LMBRD2: variants seen among roughly 807,000 people sequenced by gnomAD.
LMBRD2 encodes the protein G protein-coupled receptor-associated protein LMBRD2.
In LMBRD2, 55 loss-of-function variants were observed where a neutral mutation model predicts 94.4. The ratio of observed to expected loss-of-function variants is 0.58; its 90% CI spans 0.47 to 0.73. LMBRD2 has a LOEUF of 0.73. LMBRD2 is among the 30% of genes least tolerant of loss of function. LMBRD2 has a pLI of 0.00. For synonymous variants in LMBRD2, 246 were observed against 272.4 expected (o/e 0.90, Z 0.95); for missense variants, 640 against 831.9 (o/e 0.77, Z 2.84).
intron 4 of LMBRD2, among the ~76,000 whole-genome samples, chr5:36,140,451 C>T (rs1392374445): frequency 6.6e-6 from 1 of 152,156 alleles, no homozygotes; most frequent in Non-Finnish European, 1.5e-5. Flanking sequence ...GTGCTACTGG[C>T]CATAGAGGTT....
intron 16 of LMBRD2, 110 bp downstream of exon 16, chr5:36,108,424 T>C (rs1743523829): frequency 3.9e-6 from 2 of 518,744 alleles, no homozygotes; most frequent in South Asian, 7.2e-5. Flanking sequence ...AAATATACCA[T>C]TTATAATTCT....
In LMBRD2 at chr5:36,100,296, G is replaced by C. The variant is rs1446414208; in HGVS notation, c.*3750C>G. The C allele has an allele frequency of 6.6e-6, 1 of 151,966 alleles. No homozygotes were observed. Among genetic ancestry groups the C allele is most frequent in the Non-Finnish European group, 1.5e-5 (1 of 67,982 alleles). The allele number at this position is 151,966 out of a possible 1,614,324, so 9.4% of individuals were successfully genotyped here. On this transcript the variant is annotated 3_prime_UTR_variant, in exon 18 of 18. Transcript: ENST00000296603. ...TATTTACTGATGTGTCCTCTTTAGT[G>C]ACCTAAAAGATACACTGAGCCAGCA...
intron 14 of LMBRD2, among the ~76,000 whole-genome samples, chr5:36,110,632 C>T (rs552143786): frequency 6.6e-6 from 1 of 152,026 alleles, no homozygotes; most frequent in East Asian, 1.9e-4. Context: ...AACCAATGTC[C>T]CAAAAGTCAA....
At chr5:36,114,050 A>G (rs1274627136) in intron 13 of LMBRD2, among the ~76,000 whole-genome samples, 3 of 152,174 alleles carry the variant, frequency 2.0e-5, no homozygotes, top group African/African-American at 7.2e-5. Context: ...GGAAAGCTCT[A>G]AGGCTAATTT....
intron 6 of LMBRD2, among the ~76,000 whole-genome samples, chr5:36,134,733 T>C (rs529249773): frequency 3.9e-5 from 6 of 152,242 alleles, no homozygotes; most frequent in Non-Finnish European, 7.4e-5. Flanking sequence ...TCTTGAACGT[T>C]AGTCCCCAGA....
At chr5:36,128,756 C>T (rs987966296) in intron 6 of LMBRD2, among the ~76,000 whole-genome samples, 5 of 152,078 alleles carry the variant, frequency 3.3e-5, no homozygotes, top group Non-Finnish European at 7.4e-5. Context: ...TAACAAGGCA[C>T]CAGGGACCAA....
At chr5:36,118,167 T>C (rs1418796406) in intron 9 of LMBRD2, among the ~76,000 whole-genome samples, 1 of 152,148 alleles carries the variant, frequency 6.6e-6, no homozygotes, top group African/African-American at 2.4e-5. Context: ...CTGTGAAAAA[T>C]GCAGAACTTG....
intron 8 of LMBRD2, 143 bp downstream of exon 8, chr5:36,122,705 T>C (rs778445367): frequency 1.4e-5 from 16 of 1,143,536 alleles, no homozygotes; most frequent in Non-Finnish European, 1.8e-5. Flanking sequence ...TACACAGAGA[T>C]AAAATATTTC....
rs115583739 is a variant in LMBRD2 at position 36,113,972 on chromosome 5, A to G, written c.1640+452T>C. Reference sequence around the variant, plus strand: ...AATCTTAATGTACAGCTTGATTACAATCGGTCCTCACCTGACCCTTTGTGC... The same window carrying G: ...AATCTTAATGTACAGCTTGATTACAGTCGGTCCTCACCTGACCCTTTGTGC... On this transcript the variant is annotated intron_variant, in intron 13 of 17. Coordinates refer to ENST00000296603, the MANE Select transcript of LMBRD2 (RefSeq NM_001007527.2). 7.4e-3 allele frequency among the ~76,000 whole-genome samples: 1,133 copies of G among 152,264 alleles called. 8 individuals are homozygous for G. Among genetic ancestry groups the G allele is most frequent in the Non-Finnish European group, 0.011 (777 of 68,022 alleles).
At chr5:36,142,793 C>T (rs899967891) in intron 2 of LMBRD2, 194 bp from the exon 3 acceptor site, 3 of 413,102 alleles carry the variant, frequency 7.3e-6, no homozygotes, top group Non-Finnish European at 1.3e-5. Context: ...GGCGCGATCT[C>T]GGCTTACTGC....
At chr5:36,115,484 G>T (rs1265138293) in intron 11 of LMBRD2, among the ~76,000 whole-genome samples, 1 of 152,192 alleles carries the variant, frequency 6.6e-6, no homozygotes, top group Non-Finnish European at 1.5e-5. Flanking sequence ...ATTGTATTCA[G>T]TACATAAAAG....
chr5:36,104,501 A>C (rs1346186141), intron 17 of LMBRD2, among the ~76,000 whole-genome samples: 3 of 152,044 alleles, frequency 2.0e-5, no homozygotes, highest in Non-Finnish European at 4.4e-5. Context: ...TTATTTAATT[A>C]TGTGCTTATA....
chr5:36,128,762 A>G (rs1196420780), intron 6 of LMBRD2, among the ~76,000 whole-genome samples: 2 of 152,218 alleles, frequency 1.3e-5, no homozygotes, highest in Non-Finnish European at 2.9e-5. Context: ...GGCACCAGGG[A>G]CCAATCCTGA....
At chr5:36,134,899 A>C (rs1744234262) in intron 6 of LMBRD2, among the ~76,000 whole-genome samples, 1 of 152,196 alleles carries the variant, frequency 6.6e-6, no homozygotes, top group Admixed American at 6.5e-5. Context: ...TGCTGAAAAG[A>C]GCATTCTAAT....
intron 1 of LMBRD2, among the ~76,000 whole-genome samples, chr5:36,146,721 C>T (rs936214028): frequency 1.3e-5 from 2 of 152,096 alleles, no homozygotes; most frequent in Admixed American, 6.6e-5. Flanking sequence ...CCCTGTTCCC[C>T]TGCAAACTGA....
chr5:36,116,462 G>A lies in LMBRD2; in HGVS notation c.1434C>T (p.Gly478=). The A allele has an allele frequency of 6.2e-7, 1 of 1,611,726 alleles. No individual in the cohort carries two copies. Among genetic ancestry groups the A allele is most frequent in the Non-Finnish European group, 8.5e-7 (1 of 1,178,620 alleles). ...TTTCTAAACATAATCCTACTTACAT[G>A]CCACTGAAAAGAAGGCTATAAGCAT... ...QTDAYSLLFS[G]MLFCRLTPPL... The change falls in exon 11 of 18, where the codon GGC becomes GGT. Residue 478 remains glycine, a splice_region_variant and synonymous_variant. Transcript: ENST00000296603.
At chr5:36,108,976 A>G (rs993204018) in intron 15 of LMBRD2, among the ~76,000 whole-genome samples, 3 of 152,198 alleles carry the variant, frequency 2.0e-5, no homozygotes, top group Non-Finnish European at 4.4e-5. Flanking sequence ...AGACGTTAAC[A>G]AGATTTTCTT....
intron 13 of LMBRD2, among the ~76,000 whole-genome samples, chr5:36,111,626 C>A (rs1286473277): frequency 6.6e-6 from 1 of 151,948 alleles, no homozygotes; most frequent in Non-Finnish European, 1.5e-5. Flanking sequence ...AGCTTTTATA[C>A]ACTACAAATT....
At chr5:36,105,028 A>G in intron 17 of LMBRD2, 40 bp downstream of exon 17, 1 of 1,596,384 alleles carries the variant, frequency 6.3e-7, no homozygotes, top group Non-Finnish European at 8.6e-7. Context: ...TTAAAAGTGT[A>G]GAGGAATGCT....
Sources: gnomAD v4.1 joint callset for allele counts (sites outside exome capture counted in the v4.1 genomes callset) on GRCh38, gnomAD v4.1.1 for gene constraint, MANE v1.5 for transcripts, NCBI Gene and HGNC (gene_info 2026-07-23, HGNC 2026-07-21) for gene names.